SP100: variants seen among roughly 807,000 people sequenced by gnomAD.
SP100 encodes the protein SP100 nuclear body protein, also known as nuclear autoantigen Sp-100.
A neutral mutation model predicts 130.0 loss-of-function variants in SP100; 84 were observed. That is an observed-to-expected ratio of 0.65 (90% confidence interval 0.54 to 0.77). The LOEUF is 0.77. Among genes scored for constraint, SP100 ranks in the 30% least tolerant of loss-of-function variants. The pLI is 0.00. For missense variants in SP100, 978 were observed against 1,052.2 expected (o/e 0.93, Z 0.97); for synonymous variants, 331 against 351.7 (o/e 0.94, Z 0.66).
chr2:230,475,224 T>C (rs1042157473), intron 17 of SP100, among the ~76,000 whole-genome samples: 3 of 152,206 alleles, frequency 2.0e-5, no homozygotes, highest in African/African-American at 7.2e-5. Context: ...TTTTTAATAA[T>C]AGCCACTCTG....
intron 2 of SP100, among the ~76,000 whole-genome samples, chr2:230,427,504 G>A (rs2062969072): frequency 6.6e-6 from 1 of 151,658 alleles, no homozygotes; most frequent in Admixed American, 6.6e-5. Flanking sequence ...GATATTGTGG[G>A]GTTTTTTTTA....
intron 23 of SP100, 191 bp downstream of exon 23, chr2:230,508,222 T>C (rs1690270550): frequency 9.8e-6 from 8 of 816,874 alleles, no homozygotes; most frequent in Non-Finnish European, 1.2e-5. Flanking sequence ...TCAAAACGTT[T>C]GAGATAGAGG....
At chr2:230,463,803 T>C (rs1343402664) in intron 10 of SP100, 8 of 237,170 alleles carry the variant, frequency 3.4e-5, no homozygotes, top group Non-Finnish European at 5.8e-5. Flanking sequence ...AAATGTGGAA[T>C]GGCAAGCAGA....
At chr2:230,541,813 CT>C (rs1333302828) in intron 27 of SP100, 78 bp from the exon 28 acceptor site, 2 of 1,476,512 alleles carry the variant, frequency 1.4e-6, no homozygotes, top group East Asian at 2.3e-5. Flanking sequence ...ATTGGGGGAA[CT>C]CCACAAACCT....
intron 17 of SP100, among the ~76,000 whole-genome samples, chr2:230,475,324 A>T (rs2065485972): frequency 6.6e-6 from 1 of 151,986 alleles, no homozygotes; most frequent in Non-Finnish European, 1.5e-5. Flanking sequence ...TTTGTTGACC[A>T]CTTGTATGTC....
At chr2:230,457,368 T>C (rs2064333308) in intron 8 of SP100, among the ~76,000 whole-genome samples, 1 of 152,218 alleles carries the variant, frequency 6.6e-6, no homozygotes, top group African/African-American at 2.4e-5. Flanking sequence ...ATGGGTTCAC[T>C]GAGGCTGAAA....
chr2:230,526,434 A>G (rs1691428585), intron 24 of SP100, among the ~76,000 whole-genome samples: 1 of 152,218 alleles, frequency 6.6e-6, no homozygotes, highest in Non-Finnish European at 1.5e-5. Context: ...GATCAAAGGT[A>G]GGTAAAACCA....
At chr2:230,469,164 T>C in intron 14 of SP100, 68 bp downstream of exon 14, 1 of 963,432 alleles carries the variant, frequency 1.0e-6, no homozygotes, top group East Asian at 2.4e-5. Context: ...CATTCACTTT[T>C]TATGTTATAT....
chr2:230,522,619 G>A (rs1691228909), intron 24 of SP100, among the ~76,000 whole-genome samples: 1 of 150,878 alleles, frequency 6.6e-6, no homozygotes, highest in African/African-American at 2.4e-5. Context: ...CTCCCGAGTA[G>A]CTGGGACTAC....
At chr2:230,447,662 C>T (rs141521978) in intron 5 of SP100, among the ~76,000 whole-genome samples, 143 of 152,282 alleles carry the variant, frequency 9.4e-4, no homozygotes, top group Middle Eastern at 3.4e-3. Context: ...TAGGGCAAAG[C>T]GTGGGGAAGG....
chr2:230,426,364 T>G (rs537462294), intron 2 of SP100, among the ~76,000 whole-genome samples: 1 of 152,322 alleles, frequency 6.6e-6, no homozygotes, highest in Non-Finnish European at 1.5e-5. Flanking sequence ...ATGTAGGTGT[T>G]TATAGCTATA....
chr2:230,434,642 G>A (rs1352113897), intron 2 of SP100, among the ~76,000 whole-genome samples: 1 of 152,136 alleles, frequency 6.6e-6, no homozygotes, highest in African/African-American at 2.4e-5. Flanking sequence ...GAGTGTGGGG[G>A]CAGGCTAAGG....
At chr2:230,515,645 C>A (rs1485586353) in intron 24 of SP100, 2 of 1,593,764 alleles carry the variant, frequency 1.3e-6, no homozygotes, top group South Asian at 1.1e-5. Flanking sequence ...AAATAAGTTG[C>A]TTCTAGTGCA....
intron 8 of SP100, among the ~76,000 whole-genome samples, chr2:230,450,822 G>C (rs2063942243): frequency 6.6e-6 from 1 of 152,186 alleles, no homozygotes; most frequent in Non-Finnish European, 1.5e-5. Flanking sequence ...TCAAAGGCTA[G>C]ATAGTATTTC....
chr2:230,524,356 CAAAAAAA>C (rs34536949), intron 24 of SP100, among the ~76,000 whole-genome samples: 5 of 94,908 alleles, frequency 5.3e-5, no homozygotes, highest in African/African-American at 2.2e-4. Context: ...GATTCCATCT[CAAAAAAA>C]AAAAAAAAGA....
intron 15 of SP100, 63 bp from the exon 16 acceptor site, chr2:230,473,261 G>T: frequency 1.8e-6 from 2 of 1,112,254 alleles, no homozygotes; most frequent in South Asian, 1.3e-5. Flanking sequence ...CTAATGTTGG[G>T]GGGAAGGAGA....
chr2:230,527,848 T>C (rs1160206133), intron 24 of SP100, among the ~76,000 whole-genome samples: 2 of 152,088 alleles, frequency 1.3e-5, no homozygotes, highest in African/African-American at 4.8e-5. Context: ...CATTATATAA[T>C]GGTAAAGGAA....
chr2:230,525,114 AG>A (rs1691359848), intron 24 of SP100, among the ~76,000 whole-genome samples: 1 of 152,170 alleles, frequency 6.6e-6, no homozygotes, highest in Non-Finnish European at 1.5e-5. Flanking sequence ...TGTATGAGAA[AG>A]GATTTTGTAT....
At chr2:230,417,804 G>A (rs149463322) in intron 2 of SP100, 139 bp downstream of exon 2, 782 of 1,304,242 alleles carry the variant, frequency 6.0e-4, no homozygotes, top group African/African-American at 1.7e-3. Flanking sequence ...ATATGATTCC[G>A]TTGAGGTGTT....
Sources: gnomAD v4.1 joint callset for allele counts (sites outside exome capture counted in the v4.1 genomes callset) on GRCh38, gnomAD v4.1.1 for gene constraint, MANE v1.5 for transcripts, NCBI Gene and HGNC (gene_info 2026-07-23, HGNC 2026-07-21) for gene names.